The following LRIF1 variants were observed in gnomAD, a reference collection of about 807,000 sequenced individuals.
LRIF1 encodes the protein ligand-dependent nuclear receptor-interacting factor 1.
Under a neutral mutation model 52.7 loss-of-function variants are expected in LRIF1, and 32 were observed. The observed-to-expected ratio is 0.61, with a 90% CI of 0.46 to 0.82. The LOEUF (loss-of-function observed/expected upper bound fraction) is 0.82. Ranked by LOEUF, LRIF1 falls within the 40% of genes least tolerant of loss-of-function variation. The pLI is 0.00. For synonymous variants in LRIF1, 323 were observed against 317.4 expected, an observed-to-expected ratio of 1.02 and a Z score of -0.19; for missense variants, 887 against 892.0, an observed-to-expected ratio of 0.99 and a Z score of 0.07.
the LRIF1 span, among the ~76,000 whole-genome samples, chr1:110,897,235 C>CA: frequency 6.6e-6 from 1 of 152,138 alleles, no homozygotes; most frequent in East Asian, 1.9e-4. Flanking sequence ...TTTGGACCTC[C>CA]AGAATAGGCT....
the LRIF1 span, among the ~76,000 whole-genome samples, chr1:110,927,141 A>C: frequency 0.092 from 14,017 of 152,246 alleles, 746 homozygotes; most frequent in African/African-American, 0.15. Flanking sequence ...TTGAAAGGCG[A>C]AATTCTAAAA....
At position 110,947,940 on chromosome 1, in the gene LRIF1, G is replaced by C. The variant is rs377569630; in HGVS notation, c.*19C>G. 6.4e-7 allele frequency: 1 copy of C among 1,551,584 alleles called. No individual in the cohort carries two copies. Among genetic ancestry groups the C allele is most frequent in the Admixed American group, 2.2e-5 (1 of 46,348 alleles). On this transcript the variant is annotated 3_prime_UTR_variant, in exon 4 of 4. Coordinates refer to ENST00000369763, the MANE Select transcript of LRIF1 (RefSeq NM_018372.4). ...TATTTTAAAAAACAGCTATTTCACT[G>C]AAGTCTTTACAGGAGATTTTATTTT...
chr1:110,943,042 A>C (rs1055403275), downstream of LRIF1, among the ~76,000 whole-genome samples: 11 of 152,284 alleles, frequency 7.2e-5, no homozygotes, highest in African/African-American at 2.2e-4. Context: ...GACTAAGAAG[A>C]AGCAGTCAAC....
chr1:110,948,385 C>A lies in LRIF1; in HGVS notation c.1884G>T (p.Lys628Asn). Residue 628 changes from lysine to asparagine, a missense_variant, in exon 4 of 4, where the codon AAG becomes AAT. Physicochemically the swap from Lys to Asn is moderately conservative, Grantham distance 94 (BLOSUM62 0). Transcript: ENST00000369763. ...EGERKQQNFD[K>N]KRKAKTNKKM... ...TCTTATTAGTTTTTGCTTTTCTTTT[C>A]TTATCAAAATTCTGCTGCAATATTG... The A allele has an allele frequency of 6.2e-7, 1 of 1,609,826 alleles. No homozygotes were observed. The highest frequency in any genetic ancestry group is 2.2e-5 in the East Asian group (1 of 44,822).
intron 1 of LRIF1, among the ~76,000 whole-genome samples, chr1:110,962,327 A>G (rs1168329021): frequency 6.6e-6 from 1 of 152,140 alleles, no homozygotes; most frequent in Non-Finnish European, 1.5e-5. Context: ...AAAAAAACAC[A>G]CAAGTACACC....
chr1:110,945,881 T>C (rs1346730447), downstream of LRIF1, among the ~76,000 whole-genome samples: 1 of 152,214 alleles, frequency 6.6e-6, no homozygotes, highest in Non-Finnish European at 1.5e-5. Context: ...ACTGGTGACC[T>C]TGACAGTATG....
At chr1:110,962,162 T>A (rs1658985753) in intron 1 of LRIF1, among the ~76,000 whole-genome samples, 1 of 151,808 alleles carries the variant, frequency 6.6e-6, no homozygotes, top group Non-Finnish European at 1.5e-5. Context: ...TTTCTATAAA[T>A]TAAGCTAAGT....
chr1:110,891,250 C>G, the LRIF1 span: 1 of 640,910 alleles, frequency 1.6e-6, no homozygotes, highest in Non-Finnish European at 2.8e-6. Context: ...ACTAGGAAAG[C>G]GCAGAGTTTG....
chr1:110,932,053 T>C, the LRIF1 span, among the ~76,000 whole-genome samples: 3 of 152,204 alleles, frequency 2.0e-5, no homozygotes, highest in Non-Finnish European at 4.4e-5. Flanking sequence ...CATGAAGTCT[T>C]TGCCCATGCC....
chr1:110,939,918 T>C, the LRIF1 span: 1 of 152,174 alleles, frequency 6.6e-6, no homozygotes, highest in African/African-American at 2.4e-5. Context: ...CCAGGACATT[T>C]GTCTGAGCAA....
At chr1:110,896,761 T>C in the LRIF1 span, 1 of 1,581,830 alleles carries the variant, frequency 6.3e-7, no homozygotes, top group Non-Finnish European at 8.7e-7. Context: ...GTTTCTGTTA[T>C]TGACCTCTTT....
At position 110,962,061 on chromosome 1, in the gene LRIF1, TAC is replaced by T. The variant is rs59351644; in HGVS notation, c.68+1558_68+1559del. Among the ~76,000 whole-genome samples, 770 of 143,840 alleles carry T rather than the reference TAC, an allele frequency of 5.4e-3. 7 individuals carry two copies. Among genetic ancestry groups the T allele is most frequent in the East Asian group, 0.018 (89 of 4,936 alleles). 94.4% of individuals were successfully genotyped at this position (143,840 alleles called of 152,430 possible). A position where few individuals can be genotyped will look rare whatever the true frequency, so the allele number is the denominator to read the frequency against. ...AGAAACTGGATAACAGAGTTAAGGG[TAC>T]ACACACACACACACACACACACACA... is the stretch of plus-strand genomic sequence containing the variant. On this transcript the variant is annotated intron_variant, in intron 1 of 3. Coordinates refer to ENST00000369763, the MANE Select transcript of LRIF1 (RefSeq NM_018372.4).
At chr1:110,879,631 A>G in the LRIF1 span, among the ~76,000 whole-genome samples, 2 of 152,098 alleles carry the variant, frequency 1.3e-5, no homozygotes, top group African/African-American at 4.8e-5. Flanking sequence ...GTAATGGTCT[A>G]TGTAGCACCA....
intron 3 of LRIF1, 94 bp downstream of exon 3, chr1:110,949,757 A>G: frequency 7.8e-7 from 1 of 1,284,958 alleles, no homozygotes; most frequent in Non-Finnish European, 1.1e-6. Context: ...CATCATTTAT[A>G]CTAATGCACA....
At chr1:110,914,360 A>G in the LRIF1 span, among the ~76,000 whole-genome samples, 1 of 152,222 alleles carries the variant, frequency 6.6e-6, no homozygotes, top group Admixed American at 6.5e-5. Flanking sequence ...TGAGAAAAAG[A>G]CAGATAATCC....
At chr1:110,889,820 A>G in the LRIF1 span, among the ~76,000 whole-genome samples, 1 of 152,194 alleles carries the variant, frequency 6.6e-6, no homozygotes, top group African/African-American at 2.4e-5. Flanking sequence ...CCTGGGTAGT[A>G]AATCATTACA....
the LRIF1 span, among the ~76,000 whole-genome samples, chr1:110,879,206 C>T: frequency 6.6e-6 from 1 of 152,078 alleles, no homozygotes. Flanking sequence ...AGTGAGTTTT[C>T]ACTGAATAAG....
chr1:110,956,807 A>T, intron 1 of LRIF1, among the ~76,000 whole-genome samples: 1 of 152,210 alleles, frequency 6.6e-6, no homozygotes, highest in East Asian at 1.9e-4. Flanking sequence ...AAGTTGGTAG[A>T]TGGTGTTAAC....
chr1:110,879,510 G>C, the LRIF1 span, among the ~76,000 whole-genome samples: 1 of 143,258 alleles, frequency 7.0e-6, no homozygotes, highest in East Asian at 2.1e-4. Flanking sequence ...ACATATTTTT[G>C]TCTTAGAGAC....
Sources: allele counts gnomAD v4.1 joint callset (sites outside exome capture counted in the v4.1 genomes callset), GRCh38; gene constraint gnomAD v4.1.1; transcripts MANE v1.5; gene names NCBI Gene and HGNC (gene_info 2026-07-23, HGNC 2026-07-21).